The following EYS variants were observed in gnomAD, a reference collection of about 807,000 sequenced individuals.
The protein encoded by EYS is protein eyes shut homolog.
Under a neutral mutation model 282.1 loss-of-function variants are expected in EYS, and 250 were observed. The ratio of observed to expected loss-of-function variants is 0.89; its 90% confidence interval spans 0.80 to 0.98. The LOEUF is 0.98. EYS is among the 50% of genes least tolerant of loss of function. The pLI is 0.00. For synonymous variants in EYS, 1,355 were observed against 1,282.9 expected (o/e 1.06, Z -1.20); for missense variants, 4,016 against 3,709.0 (o/e 1.08, Z -2.15).
intron 33 of EYS, among the ~76,000 whole-genome samples, chr6:64,054,713 T>C (rs1461436067): frequency 6.6e-6 from 1 of 152,156 alleles, no homozygotes; most frequent in Non-Finnish European, 1.5e-5. Flanking sequence ...TGACTTTAGA[T>C]AATTACCTAA....
At chr6:64,943,955 C>G (rs781534156) in intron 15 of EYS, among the ~76,000 whole-genome samples, 1 of 152,032 alleles carries the variant, frequency 6.6e-6, no homozygotes, top group African/African-American at 2.4e-5. Context: ...TCAAACTATA[C>G]GTAAGTCTAC....
chr6:65,129,874 G>T (rs1453538739), intron 12 of EYS, among the ~76,000 whole-genome samples: 4 of 151,674 alleles, frequency 2.6e-5, no homozygotes, highest in African/African-American at 9.7e-5. Flanking sequence ...TCTTTGTAGT[G>T]TTATTCACAA....
chr6:64,592,988 C>A (rs1413200597), intron 25 of EYS, 129 bp downstream of exon 25: 2 of 622,652 alleles, frequency 3.2e-6, no homozygotes, highest in Non-Finnish European at 5.1e-6. Flanking sequence ...ACCAATAATG[C>A]TTAATTTTAC....
intron 36 of EYS, among the ~76,000 whole-genome samples, chr6:63,855,492 C>T (rs754090541): frequency 1.3e-5 from 2 of 152,096 alleles, no homozygotes; most frequent in African/African-American, 2.4e-5. Flanking sequence ...TGATTATCTC[C>T]TAAGTATAGG....
At chr6:64,110,158 G>A (rs1582282547) in intron 31 of EYS, among the ~76,000 whole-genome samples, 3 of 151,452 alleles carry the variant, frequency 2.0e-5, no homozygotes, top group South Asian at 2.1e-4. Context: ...TGTTCACATA[G>A]AATCTAAAGA....
intron 12 of EYS, among the ~76,000 whole-genome samples, chr6:65,098,822 G>C (rs763272521): frequency 6.6e-5 from 10 of 150,666 alleles, no homozygotes; most frequent in Admixed American, 2.0e-4. Flanking sequence ...TTTTTAAGTG[G>C]AGGAAGAGCT....
intron 12 of EYS, among the ~76,000 whole-genome samples, chr6:65,223,326 C>T (rs951245145): frequency 2.6e-5 from 4 of 152,134 alleles, no homozygotes; most frequent in Non-Finnish European, 1.5e-5. Flanking sequence ...GAGATCATGC[C>T]ATTGCACTCC....
intron 35 of EYS, among the ~76,000 whole-genome samples, chr6:63,898,938 T>G (rs1278021515): frequency 1.3e-5 from 2 of 152,206 alleles, no homozygotes; most frequent in Non-Finnish European, 2.9e-5. Context: ...TCAAATGAAA[T>G]GAATAAACAT....
Position 64,781,117 on chromosome 6 carries a change from G to T in EYS, c.3443+32261C>A, listed in dbSNP as rs923875335. ...ACAAATTCTTACCAGGAGAGGATAG[G>T]AAGTGCCTGCAGGGTAGAGTTGACA... is the stretch of plus-strand genomic sequence containing the variant. On this transcript the variant is annotated intron_variant, in intron 22 of 42. Transcript: ENST00000503581. Among the ~76,000 whole-genome samples the T allele has an allele frequency of 9.2e-5, 14 of 151,558 alleles. No homozygotes were observed. In the East Asian group the frequency reaches 2.1e-3, roughly 23 times the overall value.
At position 65,217,416 on chromosome 6, in the gene EYS, A is replaced by T. The variant is rs188050709; in HGVS notation, c.2023+78447T>A. Among the ~76,000 whole-genome samples, 404 of 152,180 alleles carry T rather than the reference A, an allele frequency of 2.7e-3. 2 individuals are homozygous for T. Among genetic ancestry groups the T allele is most frequent in the African/African-American group, 9.2e-3 (382 of 41,564 alleles). ...CATTAGAAATTATATGATCACTTAT[A>T]ATAAGGTATTAAACAATGAGAAATT... On this transcript the variant is annotated intron_variant, in intron 12 of 42. Coordinates refer to ENST00000503581, the MANE Select transcript of EYS (RefSeq NM_001142800.2).
At chr6:63,780,909 T>G (rs1463733488) in intron 39 of EYS, among the ~76,000 whole-genome samples, 1 of 152,256 alleles carries the variant, frequency 6.6e-6, no homozygotes, top group East Asian at 1.9e-4. Flanking sequence ...TCAATCCATC[T>G]TGAATTAATT....
rs1017706179 is a variant in EYS at position 63,776,679 on chromosome 6, G to A, written c.7898+1327C>T. 2.6e-5 allele frequency among the ~76,000 whole-genome samples: 4 copies of A among 151,904 alleles called. No homozygotes were observed. The South Asian group carries it at 8.3e-4, about 32-fold the overall frequency. ...GGTTCTAAGTACCTATCTATACTTGGCACTATATATTCCAAGATAAATATA... is the reference window on the plus strand; with the variant it reads ...GGTTCTAAGTACCTATCTATACTTGACACTATATATTCCAAGATAAATATA... On this transcript the variant is annotated intron_variant, in intron 40 of 42. Coordinates refer to ENST00000503581, the MANE Select transcript of EYS (RefSeq NM_001142800.2).
intron 30 of EYS, among the ~76,000 whole-genome samples, chr6:64,283,832 C>G (rs113833107): frequency 6.6e-6 from 1 of 152,080 alleles, no homozygotes; most frequent in Non-Finnish European, 1.5e-5. Context: ...GATGCACAAG[C>G]AGAAACCCCT....
At chr6:64,195,407 A>T (rs1309287357) in intron 31 of EYS, among the ~76,000 whole-genome samples, 1 of 152,152 alleles carries the variant, frequency 6.6e-6, no homozygotes, top group African/African-American at 2.4e-5. Flanking sequence ...AGTTCAAGTG[A>T]TTCTCCTGCC....
chr6:64,117,337 C>A (rs116371589), intron 31 of EYS, among the ~76,000 whole-genome samples: 6 of 150,048 alleles, frequency 4.0e-5, no homozygotes, highest in Non-Finnish European at 7.4e-5. Context: ...AACCCCCCCC[C>A]CAATTAGTAG....
intron 5 of EYS, among the ~76,000 whole-genome samples, chr6:65,456,976 T>C (rs768944594): frequency 1.3e-5 from 2 of 148,970 alleles, no homozygotes; most frequent in Admixed American, 6.7e-5. Context: ...CCTGAGCACA[T>C]GAGGGTCAGT....
intron 26 of EYS, among the ~76,000 whole-genome samples, chr6:64,560,864 C>G (rs983946695): frequency 6.6e-6 from 1 of 151,986 alleles, no homozygotes; most frequent in African/African-American, 2.4e-5. Flanking sequence ...TAAGAAATAA[C>G]AAAACCTGGC....
intron 2 of EYS, among the ~76,000 whole-genome samples, chr6:65,571,047 C>T (rs564754406): frequency 3.4e-4 from 52 of 151,856 alleles, no homozygotes; most frequent in African/African-American, 1.1e-3. Context: ...TTTGGTGGGG[C>T]GGGAGAATAT....
At chr6:64,369,727 T>C (rs993439454) in intron 29 of EYS, among the ~76,000 whole-genome samples, 4 of 151,960 alleles carry the variant, frequency 2.6e-5, no homozygotes, top group Non-Finnish European at 4.4e-5. Flanking sequence ...GAAAATCCCA[T>C]AGTCTTTGTC....
Sources: allele counts gnomAD v4.1 joint callset (sites outside exome capture counted in the v4.1 genomes callset), GRCh38; gene constraint gnomAD v4.1.1; transcripts MANE v1.5; gene names NCBI Gene and HGNC (gene_info 2026-07-23, HGNC 2026-07-21).